SPMAP2: variants seen among roughly 807,000 people sequenced by gnomAD.
SPMAP2 encodes the protein sperm microtubule associated protein 2.
chr19:371,369 GGTGTGTGTGTGT>G, the SPMAP2 span: 11 of 851,092 alleles, frequency 1.3e-5, no homozygotes, highest in Admixed American at 1.8e-4. Flanking sequence ...CGGGGGTGGG[GGTGTGTGTGTGT>G]GTGTGTGTGT....
At chr19:368,664 C>A in the SPMAP2 span, among the ~76,000 whole-genome samples, 2 of 152,188 alleles carry the variant, frequency 1.3e-5, no homozygotes, top group Admixed American at 1.3e-4. This position sits in a 1 kb window ranked among gnomAD's most constrained non-coding sequence, Gnocchi z 4.1. Flanking sequence ...GAAACCATCC[C>A]CAAAGGTCAC....
the SPMAP2 span, chr19:361,839 C>A: frequency 1.2e-5 from 1 of 85,636 alleles, no homozygotes; most frequent in African/African-American, 4.8e-5. Flanking sequence ...TCAGCAGGAG[C>A]GTCGGCTGGT....
chr19:372,959 C>T, the SPMAP2 span, among the ~76,000 whole-genome samples: 2 of 152,300 alleles, frequency 1.3e-5, no homozygotes, highest in Non-Finnish European at 2.9e-5. Flanking sequence ...AACAGCAGCC[C>T]AGCACCGTGG....
chr19:373,296 A>T, the SPMAP2 span, among the ~76,000 whole-genome samples: 10 of 151,852 alleles, frequency 6.6e-5, no homozygotes, highest in African/African-American at 2.4e-4. Flanking sequence ...CATGCCCCTC[A>T]CCCCCAGGAC....
chr19:370,874 G>A, the SPMAP2 span, among the ~76,000 whole-genome samples: 1 of 151,996 alleles, frequency 6.6e-6, no homozygotes, highest in African/African-American at 2.4e-5. Context: ...ACAGGGCGTA[G>A]AGCGAGGTCA....
the SPMAP2 span, chr19:374,389 G>C: frequency 1.2e-6 from 2 of 1,614,120 alleles, no homozygotes; most frequent in Non-Finnish European, 1.7e-6. Context: ...GGTCATGGTG[G>C]TGCTGGGGAG....
At chr19:367,624 G>A in the SPMAP2 span, among the ~76,000 whole-genome samples, 6 of 152,210 alleles carry the variant, frequency 3.9e-5, no homozygotes, top group South Asian at 8.3e-4. Context: ...TGGAAGGAGA[G>A]TAAATTAGTA....
At chr19:362,362 G>A in the SPMAP2 span, 4 of 1,608,890 alleles carry the variant, frequency 2.5e-6, no homozygotes, top group Non-Finnish European at 2.5e-6. Context: ...CCTTCTTGGT[G>A]ACATCCAGCA....
chr19:364,070 A>T, the SPMAP2 span, among the ~76,000 whole-genome samples: 1 of 151,550 alleles, frequency 6.6e-6, no homozygotes, highest in Non-Finnish European at 1.5e-5. Context: ...GCGGTGGCTC[A>T]TGCCTGTAAT....
chr19:362,448 G>A, the SPMAP2 span: 3 of 1,563,142 alleles, frequency 1.9e-6, no homozygotes, highest in Non-Finnish European at 2.6e-6. Flanking sequence ...AGAAGAGAAG[G>A]ACAGCACTGA....
chr19:368,113 G>A, the SPMAP2 span, among the ~76,000 whole-genome samples: 1 of 152,088 alleles, frequency 6.6e-6, no homozygotes, highest in African/African-American at 2.4e-5. This position sits in a 1 kb window ranked among gnomAD's most constrained non-coding sequence, Gnocchi z 4.1. Flanking sequence ...CCTTTGGGGG[G>A]TCGAGGTGGC....
the SPMAP2 span, chr19:375,791 T>C: frequency 6.2e-7 from 1 of 1,610,222 alleles, no homozygotes; most frequent in South Asian, 1.1e-5. Flanking sequence ...GCTCCTCTTC[T>C]GGGTCTTCTG....
the SPMAP2 span, among the ~76,000 whole-genome samples, chr19:375,493 A>G: frequency 0.95 from 145,117 of 152,214 alleles, 69,580 homozygotes; most frequent in Non-Finnish European, 0.99. Flanking sequence ...CAACCGACCA[A>G]GCCCACACCT....
the SPMAP2 span, chr19:362,310 C>T: frequency 6.2e-7 from 1 of 1,610,080 alleles, no homozygotes; most frequent in East Asian, 2.2e-5. Context: ...CCCTTGCGCA[C>T]TTTGGGCTTG....
chr19:374,491 C>CGT, the SPMAP2 span: 2 of 1,601,592 alleles, frequency 1.2e-6, no homozygotes, highest in Non-Finnish European at 1.7e-6. Context: ...CCCAGAGAAG[C>CGT]GTGGGTCTTG....
At chr19:363,215 C>A in the SPMAP2 span, among the ~76,000 whole-genome samples, 1 of 152,190 alleles carries the variant, frequency 6.6e-6, no homozygotes, top group African/African-American at 2.4e-5. Context: ...TAGTTTGATA[C>A]AGAGCCTTGC....
At chr19:373,508 C>T in the SPMAP2 span, 215 of 1,613,420 alleles carry the variant, frequency 1.3e-4, no homozygotes, top group African/African-American at 1.9e-3. Flanking sequence ...CTCAAGGAAC[C>T]GCTCGGTCCA....
At chr19:364,149 C>G in the SPMAP2 span, among the ~76,000 whole-genome samples, 67,814 of 147,332 alleles carry the variant, frequency 0.46, 16,301 homozygotes, top group Middle Eastern at 0.62. Flanking sequence ...CTGGCTCACA[C>G]GGTGAAATCC....
the SPMAP2 span, chr19:367,352 T>C: frequency 7.6e-6 from 7 of 917,318 alleles, no homozygotes; most frequent in East Asian, 2.9e-5. Context: ...TGGTTTGTAA[T>C]GTATTCATGA....
Sources: gnomAD v4.1 joint callset for allele counts (sites outside exome capture counted in the v4.1 genomes callset) on GRCh38, gnomAD v4.1.1 for gene constraint, Gnocchi (gnomAD v3.1) non-coding constraint, MANE v1.5 for transcripts, NCBI Gene and HGNC (gene_info 2026-07-23, HGNC 2026-07-21) for gene names.